The following USP28 variants were observed in gnomAD, a reference collection of about 807,000 sequenced individuals.
USP28 encodes ubiquitin carboxyl-terminal hydrolase 28.
In USP28, 113 loss-of-function variants were observed where a neutral mutation model predicts 145.0. The observed-to-expected ratio is 0.78, with a 90% CI of 0.67 to 0.91. USP28 has a LOEUF of 0.91. USP28 is among the 40% of genes least tolerant of loss of function. The pLI is 0.00. For missense variants in USP28, 1,201 were observed against 1,289.6 expected, an observed-to-expected ratio of 0.93 and a Z score of 1.05; for synonymous variants, 447 against 450.9, an observed-to-expected ratio of 0.99 and a Z score of 0.11.
At chr11:113,873,518 A>T (rs1371293277) in intron 1 of USP28, among the ~76,000 whole-genome samples, 1 of 152,206 alleles carries the variant, frequency 6.6e-6, no homozygotes, top group Admixed American at 6.5e-5. Flanking sequence ...TCACTACTCA[A>T]ACTGCGGCAG....
At chr11:113,848,617 T>G (rs759725682) in intron 3 of USP28, among the ~76,000 whole-genome samples, 2 of 152,282 alleles carry the variant, frequency 1.3e-5, no homozygotes, top group Non-Finnish European at 2.9e-5. Context: ...AGGATAAAAT[T>G]TTATAGGCGA....
rs572816424 is a variant in USP28 at position 113,828,027 on chromosome 11, A to T, written c.1060-667T>A. On this transcript the variant is annotated intron_variant, in intron 10 of 24. Coordinates refer to ENST00000003302, the Ensembl canonical transcript of USP28. The stretch of plus-strand genomic sequence containing the variant: ...TCAAAGAAGGAAGGCACTGACATAA[A>T]AAAGACTCAACAGTCAGGGATCACA... Among the ~76,000 whole-genome samples the T allele has an allele frequency of 3.9e-5, 6 of 152,292 alleles. No homozygotes were observed. The East Asian group carries it at 1.2e-3, about 29-fold the overall frequency.
rs1247407783 is a variant in USP28, at chr11:113,808,391, C to T, written c.2211G>A (p.Glu737=). Residue 737 remains glutamate, a synonymous_variant, in exon 18 of 25, where the codon GAG becomes GAA. Transcript: ENST00000003302. ...TTTGCTCCTTTACAATCACAGCATGCTCAGACGACAAGCAGCGAACCCCAT... is the reference window on the plus strand; with the variant it reads ...TTTGCTCCTTTACAATCACAGCATGTTCAGACGACAAGCAGCGAACCCCAT... 7 of 1,614,074 alleles carry T rather than the reference C, an allele frequency of 4.3e-6. 1 individual carries two copies. The African/African-American group carries it at 5.3e-5, about 12-fold the overall frequency.
exon 14 of USP28, chr11:113,815,225 C>G (rs752867163): frequency 6.2e-7 from 1 of 1,614,174 alleles, no homozygotes; most frequent in Non-Finnish European, 8.5e-7. Context: ...CAGGTCTTAA[C>G]AAAATTTATC....
At chr11:113,852,449 G>A in intron 3 of USP28, 52 bp downstream of exon 3, 1 of 1,609,752 alleles carries the variant, frequency 6.2e-7, no homozygotes, top group South Asian at 1.1e-5. Context: ...TACTTGGTTT[G>A]TTATTTTCTG....
intron 11 of USP28, among the ~76,000 whole-genome samples, chr11:113,824,046 A>C (rs1271995315): frequency 6.6e-6 from 1 of 152,216 alleles, no homozygotes; most frequent in East Asian, 1.9e-4. Flanking sequence ...ACCTAAAAAA[A>C]TACATCAGAA....
At chr11:113,837,667 C>A (rs900271262) in intron 5 of USP28, among the ~76,000 whole-genome samples, 1 of 152,148 alleles carries the variant, frequency 6.6e-6, no homozygotes, top group African/African-American at 2.4e-5. Context: ...TCTTAACTAC[C>A]CTTCATTAAA....
chr11:113,823,419 T>C (rs1032486336), intron 12 of USP28, among the ~76,000 whole-genome samples, 186 bp downstream of exon 12: 6 of 152,196 alleles, frequency 3.9e-5, no homozygotes, highest in Non-Finnish European at 7.3e-5. Context: ...GGGACTATTA[T>C]TTACCCCCAT....
intron 1 of USP28, among the ~76,000 whole-genome samples, chr11:113,870,572 T>C (rs1378376771): frequency 6.6e-6 from 1 of 152,200 alleles, no homozygotes; most frequent in Non-Finnish European, 1.5e-5. Context: ...ATAAAACCAC[T>C]CACTGCCTTT....
intron 1 of USP28, chr11:113,859,563 G>C (rs984300708): frequency 6.6e-6 from 1 of 151,802 alleles, no homozygotes; most frequent in Non-Finnish European, 1.5e-5. Context: ...TTTAGCTAAA[G>C]TTCTTAACAG....
At chr11:113,834,546 C>A (rs968354494) in intron 5 of USP28, among the ~76,000 whole-genome samples, 38 of 151,806 alleles carry the variant, frequency 2.5e-4, no homozygotes, top group Admixed American at 2.1e-3. Context: ...AAAATAGAAA[C>A]AACCTAATGT....
At chr11:113,848,467 C>G (rs191657857) in intron 3 of USP28, among the ~76,000 whole-genome samples, 3 of 151,256 alleles carry the variant, frequency 2.0e-5, no homozygotes, top group African/African-American at 7.4e-5. Context: ...TTATGTACAC[C>G]AGTGGTGAAG....
At chr11:113,843,950 G>A (rs1283452707) in intron 3 of USP28, among the ~76,000 whole-genome samples, 1 of 151,986 alleles carries the variant, frequency 6.6e-6, no homozygotes, top group Non-Finnish European at 1.5e-5. Flanking sequence ...CCCCTACCTA[G>A]CCCCACATAC....
intron 12 of USP28, chr11:113,822,491 AG>A (rs1302919100): frequency 2.4e-4 from 33 of 138,536 alleles, no homozygotes; most frequent in African/African-American, 8.2e-4. Flanking sequence ...AGAGAGAGAG[AG>A]AGAGAGAGAT....
chr11:113,811,454 G>C (rs925861249), intron 16 of USP28, among the ~76,000 whole-genome samples: 1 of 152,156 alleles, frequency 6.6e-6, no homozygotes, highest in African/African-American at 2.4e-5. Context: ...TTGAGAGGCC[G>C]AAGCAGGCAG....
exon 3 of USP28, chr11:113,852,524 G>A: frequency 6.2e-7 from 1 of 1,614,170 alleles, no homozygotes; most frequent in Non-Finnish European, 8.5e-7. Context: ...CTTGTTGGCA[G>A]CACTCCCCTC....
chr11:113,860,873 C>T (rs1443619673), intron 1 of USP28, among the ~76,000 whole-genome samples: 1 of 151,572 alleles, frequency 6.6e-6, no homozygotes, highest in African/African-American at 2.4e-5. Context: ...AATCCCAGCA[C>T]TTTGGGAGGC....
At chr11:113,837,540 G>C (rs541561538) in intron 5 of USP28, among the ~76,000 whole-genome samples, 1 of 152,324 alleles carries the variant, frequency 6.6e-6, no homozygotes, top group East Asian at 1.9e-4. Flanking sequence ...ATTACCTGCA[G>C]GATATCTGTT....
At chr11:113,875,149 T>C (rs1228833167) in intron 1 of USP28, among the ~76,000 whole-genome samples, 1 of 152,216 alleles carries the variant, frequency 6.6e-6, no homozygotes, top group Non-Finnish European at 1.5e-5. Flanking sequence ...GGGCTCACCT[T>C]ACTGATCCCT....
Sources: gnomAD v4.1 joint callset for allele counts (sites outside exome capture counted in the v4.1 genomes callset) on GRCh38, gnomAD v4.1.1 for gene constraint, MANE v1.5 for transcripts, NCBI Gene and HGNC (gene_info 2026-07-23, HGNC 2026-07-21) for gene names.